The following ZNF385D variants were observed in gnomAD, a reference collection of about 807,000 sequenced individuals.
ZNF385D encodes zinc finger protein 385D.
A neutral mutation model predicts 35.8 loss-of-function variants in ZNF385D; 15 were observed. The ratio of observed to expected loss-of-function variants is 0.42; its 90% CI spans 0.28 to 0.64. ZNF385D has a LOEUF of 0.64. Ranked by LOEUF, ZNF385D falls within the 30% of genes least tolerant of loss-of-function variation. The pLI, the probability that ZNF385D is intolerant of heterozygous loss-of-function variation, is 0.23. For synonymous variants in ZNF385D, 212 were observed against 186.8 expected (o/e 1.13, Z -1.10); for missense variants, 474 against 494.6 (o/e 0.96, Z 0.39).
At chr3:21,477,643 C>T (rs1050958760) in intron 4 of ZNF385D, among the ~76,000 whole-genome samples, 2 of 152,074 alleles carry the variant, frequency 1.3e-5, no homozygotes, top group Admixed American at 6.6e-5. Context: ...GGTGGACCTC[C>T]ATCCTCCCTA....
At chr3:21,938,699 C>T (rs932348568) in intron 3 of ZNF385D, among the ~76,000 whole-genome samples, 3 of 152,126 alleles carry the variant, frequency 2.0e-5, no homozygotes, top group Admixed American at 6.5e-5. Flanking sequence ...TCTTACCGTG[C>T]TTCATGTGCA....
chr3:21,543,507 G>T (rs1188383720), intron 3 of ZNF385D, among the ~76,000 whole-genome samples: 1 of 152,178 alleles, frequency 6.6e-6, no homozygotes, highest in African/African-American at 2.4e-5. Flanking sequence ...CATGGCCTAA[G>T]GGTCCCGCAC....
At chr3:22,280,147 T>TGAGTTACTTGTAGATTC (rs1701661639) in intron 2 of ZNF385D, among the ~76,000 whole-genome samples, 1 of 152,094 alleles carries the variant, frequency 6.6e-6, no homozygotes, top group Non-Finnish European at 1.5e-5. Context: ...CTTGCTGATT[T>TGAGTTACTTGTAGATTC]GAGTTCCTTG....
chr3:22,304,062 C>T (rs1703070838), intron 2 of ZNF385D, among the ~76,000 whole-genome samples: 1 of 152,180 alleles, frequency 6.6e-6, no homozygotes, highest in Non-Finnish European at 1.5e-5. Context: ...AGGCGTGAGT[C>T]ACCATGCCTG....
chr3:21,530,203 T>C (rs1396185499), intron 3 of ZNF385D, among the ~76,000 whole-genome samples: 5 of 152,196 alleles, frequency 3.3e-5, no homozygotes, highest in African/African-American at 1.2e-4. Context: ...ACTGGCACTA[T>C]GCTTTATGTA....
intron 3 of ZNF385D, among the ~76,000 whole-genome samples, chr3:22,113,402 T>C (rs752082987): frequency 4.6e-5 from 7 of 152,122 alleles, no homozygotes; most frequent in Non-Finnish European, 8.8e-5. Context: ...TCTCTAATCG[T>C]TCATTTTTTC....
chr3:22,244,364 T>TAAAAAAA (rs34497539), intron 2 of ZNF385D, among the ~76,000 whole-genome samples: 43 of 62,560 alleles, frequency 6.9e-4, no homozygotes, highest in Non-Finnish European at 9.0e-4. Flanking sequence ...CAACCGAATG[T>TAAAAAAA]AAAAAAAAAA....
chr3:22,353,087 G>A (rs1695990961), intron 2 of ZNF385D, among the ~76,000 whole-genome samples: 1 of 152,188 alleles, frequency 6.6e-6, no homozygotes, highest in African/African-American at 2.4e-5. Flanking sequence ...TGCATAGGCA[G>A]TAGCTAAGGA....
intron 2 of ZNF385D, among the ~76,000 whole-genome samples, chr3:22,305,758 A>G (rs1478591830): frequency 1.3e-5 from 2 of 152,180 alleles, no homozygotes; most frequent in Admixed American, 1.3e-4. Flanking sequence ...GTAAAAGTAG[A>G]GAACTAAAAA....
chr3:22,026,525 C>A (rs1697562522), intron 3 of ZNF385D, among the ~76,000 whole-genome samples: 1 of 152,148 alleles, frequency 6.6e-6, no homozygotes, highest in Non-Finnish European at 1.5e-5. Flanking sequence ...TTATGGAAGT[C>A]AGACAATTAA....
chr3:21,424,167 A>C (rs78275561), intron 6 of ZNF385D, 103 bp from the exon 7 acceptor site: 12,743 of 1,008,400 alleles, frequency 0.013, 136 homozygotes, highest in South Asian at 0.046. Flanking sequence ...ATTTCATGCA[A>C]GTTTCAGAAA....
At chr3:21,666,018 G>A (rs1052829169) in intron 1 of ZNF385D, among the ~76,000 whole-genome samples, 1 of 152,136 alleles carries the variant, frequency 6.6e-6, no homozygotes, top group African/African-American at 2.4e-5. Flanking sequence ...AAAATGCAGT[G>A]GGATTTTTTT....
At chr3:21,690,097 T>C (rs2067233270) in intron 1 of ZNF385D, among the ~76,000 whole-genome samples, 1 of 152,184 alleles carries the variant, frequency 6.6e-6, no homozygotes, top group African/African-American at 2.4e-5. Flanking sequence ...ATATAATTTG[T>C]ATACATGTAA....
intron 2 of ZNF385D, among the ~76,000 whole-genome samples, chr3:22,338,662 A>C (rs535926835): frequency 8.5e-5 from 13 of 152,082 alleles, no homozygotes; most frequent in Non-Finnish European, 1.5e-4. Flanking sequence ...ATAAATAAAA[A>C]AGTAAAGTTA....
intron 2 of ZNF385D, among the ~76,000 whole-genome samples, chr3:22,171,459 A>C (rs1694419457): frequency 6.6e-6 from 1 of 152,218 alleles, no homozygotes; most frequent in Admixed American, 6.5e-5. Context: ...AGGCAATGTC[A>C]ACAATTAATT....
intron 3 of ZNF385D, among the ~76,000 whole-genome samples, chr3:21,511,363 C>G (rs1350509808): frequency 6.6e-6 from 1 of 152,020 alleles, no homozygotes; most frequent in Non-Finnish European, 1.5e-5. Flanking sequence ...TGCTGGGCTC[C>G]CAAAGATTAA....
At chr3:21,703,951 C>A (rs1264981848) in intron 1 of ZNF385D, among the ~76,000 whole-genome samples, 1 of 152,182 alleles carries the variant, frequency 6.6e-6, no homozygotes, top group Non-Finnish European at 1.5e-5. Flanking sequence ...CCTTCAGAAT[C>A]TGTGTCTTGA....
chr3:21,852,160 T>G (rs965512888), intron 3 of ZNF385D, among the ~76,000 whole-genome samples: 1 of 152,006 alleles, frequency 6.6e-6, no homozygotes, highest in Non-Finnish European at 1.5e-5. Context: ...TTAGTTTTCG[T>G]TGTTAAACAA....
At chr3:22,183,865 AT>A (rs548511266) in intron 2 of ZNF385D, among the ~76,000 whole-genome samples, 158 of 150,738 alleles carry the variant, frequency 1.0e-3, no homozygotes, top group Admixed American at 3.5e-3. Context: ...TTTTCAACAA[AT>A]TTTTTTTTGC....
Sources: gnomAD v4.1 joint callset for allele counts (sites outside exome capture counted in the v4.1 genomes callset) on GRCh38, gnomAD v4.1.1 for gene constraint, MANE v1.5 for transcripts, NCBI Gene and HGNC (gene_info 2026-07-23, HGNC 2026-07-21) for gene names.